The following NOTCH2 variants were observed in gnomAD, a reference collection of about 807,000 sequenced individuals.
NOTCH2 encodes neurogenic locus notch homolog protein 2.
NOTCH2 carries 29 observed loss-of-function variants against 235.8 expected under a neutral mutation model. That is an observed-to-expected ratio of 0.12 (90% CI 0.09 to 0.17). NOTCH2 has a LOEUF of 0.17. NOTCH2 is among the 10% of genes least tolerant of loss of function. The pLI is 1.00. For synonymous variants in NOTCH2, 1,086 were observed against 1,141.5 expected, an observed-to-expected ratio of 0.95 and a Z score of 0.98; for missense variants, 2,285 against 3,150.2, an observed-to-expected ratio of 0.73 and a Z score of 6.57.
At chr1:120,039,409 C>CA (rs1208782219) in intron 1 of NOTCH2, among the ~76,000 whole-genome samples, 8 of 127,060 alleles carry the variant, frequency 6.3e-5, no homozygotes, top group Non-Finnish European at 1.2e-4. Context: ...CTTTTTAAAG[C>CA]TTTTTTTTTT....
At chr1:119,959,544 A>T in intron 11 of NOTCH2, 42 bp from the exon 12 acceptor site, 2 of 1,047,126 alleles carry the variant, frequency 1.9e-6, no homozygotes, top group Middle Eastern at 4.0e-4. Flanking sequence ...ATGTTACCAC[A>T]GAAATACTAA....
At position 119,968,147 on chromosome 1, in the gene NOTCH2, T is replaced by C. The variant is rs782486742; in HGVS notation, c.1194A>G (p.Gln398=). The change falls in exon 7 of 34, where the codon CAA becomes CAG. Residue 398 remains glutamine (Q), a synonymous_variant. Coordinates refer to ENST00000256646, the MANE Select transcript of NOTCH2 (RefSeq NM_024408.4). ...ALCDTNPLNG[Q]YICTCPQGYK... ...AGCCTTGTGGGCAGGTGCAAATATA[T>C]TGCCCATTTAGGGGGTTGGTGTCAC... 12 of 1,614,116 alleles carry C rather than the reference T, an allele frequency of 7.4e-6. No homozygotes were observed. Among genetic ancestry groups the C allele is most frequent in the South Asian group, 3.3e-5 (3 of 91,086 alleles).
intron 5 of NOTCH2, among the ~76,000 whole-genome samples, chr1:119,980,398 A>C (rs1280441830): frequency 3.9e-5 from 6 of 152,168 alleles, no homozygotes; most frequent in African/African-American, 1.2e-4. Context: ...GCCAAGCTCT[A>C]TGGTCAATGA....
chr1:120,014,292 C>T (rs1447022120), intron 2 of NOTCH2, among the ~76,000 whole-genome samples: 1 of 152,084 alleles, frequency 6.6e-6, no homozygotes, highest in Non-Finnish European at 1.5e-5. Context: ...CAGCTGGGCA[C>T]AGTGGCTCAC....
chr1:119,934,164 G>A (rs1464423872), intron 22 of NOTCH2, among the ~76,000 whole-genome samples: 2 of 152,218 alleles, frequency 1.3e-5, no homozygotes, highest in African/African-American at 4.8e-5. Flanking sequence ...GATCTCCAAT[G>A]TTGGAGGTGG....
chr1:120,011,896 G>A (rs1354961420), intron 2 of NOTCH2, among the ~76,000 whole-genome samples: 1 of 149,926 alleles, frequency 6.7e-6, no homozygotes, highest in Non-Finnish European at 1.5e-5. Flanking sequence ...GGCGCCTGTA[G>A]TCCCAGCTAC....
In NOTCH2 at chr1:119,941,523, C is replaced by T; in HGVS notation, c.2981+3G>A. On this transcript the variant is annotated splice_donor_region_variant and intron_variant, in intron 18 of 33. Transcript: ENST00000256646. ...GCTGATGCCCGAGGGACTGGTTGCT[C>T]ACCTCTCAGTGCACTCATTGATGTT... The T allele has an allele frequency of 6.2e-7, 1 of 1,606,602 alleles. No individual in the cohort carries two copies. Among genetic ancestry groups the T allele is most frequent in the Non-Finnish European group, 8.5e-7 (1 of 1,173,424 alleles).
At chr1:119,938,054 T>G in intron 19 of NOTCH2, 44 bp from the exon 20 acceptor site, 1 of 1,598,144 alleles carries the variant, frequency 6.3e-7, no homozygotes. Context: ...ATTCAAATAC[T>G]AGAAATGAAG....
intron 22 of NOTCH2, among the ~76,000 whole-genome samples, chr1:119,931,787 T>TA (rs1649669943): frequency 6.6e-6 from 1 of 151,824 alleles, no homozygotes; most frequent in African/African-American, 2.4e-5. Context: ...ATGATGTTGC[T>TA]AACTACAACT....
chr1:119,932,607 ATATCTATC>A (rs61476083), intron 22 of NOTCH2, among the ~76,000 whole-genome samples: 12,822 of 148,380 alleles, frequency 0.086, 572 homozygotes, highest in South Asian at 0.12. Flanking sequence ...AAACAAACAA[ATATCTATC>A]TATCTATCTA....
In NOTCH2 at chr1:119,923,831, A is replaced by G. The variant is rs587722015; in HGVS notation, c.4665T>C (p.Pro1555=). 5 of 1,614,200 alleles carry G rather than the reference A, an allele frequency of 3.1e-6. No individual in the cohort carries two copies. In the Admixed American group the frequency reaches 6.7e-5, roughly 22 times the overall value. ...GTLVIVVLMP[P]EQLLQDARSF... is the part of the protein sequence containing the mutation. ...TGCGAGCATCCTGGAGCAGTTGTTCAGGTGGCATCAATACCACAATAACCA... is the reference window on the plus strand; with the variant it reads ...TGCGAGCATCCTGGAGCAGTTGTTCGGGTGGCATCAATACCACAATAACCA... The change falls in exon 26 of 34, where the codon CCT becomes CCC. Residue 1555 remains proline (P), a synonymous_variant. Coordinates refer to ENST00000256646, the MANE Select transcript of NOTCH2 (RefSeq NM_024408.4).
chr1:119,963,004 G>A (rs587700505), intron 11 of NOTCH2, among the ~76,000 whole-genome samples: 8 of 152,272 alleles, frequency 5.3e-5, no homozygotes, highest in South Asian at 2.1e-4. Context: ...ACAGCTCTGC[G>A]TTCTACTTTA....
At chr1:119,946,933 A>G (rs1317909372) in intron 17 of NOTCH2, among the ~76,000 whole-genome samples, 1 of 152,160 alleles carries the variant, frequency 6.6e-6, no homozygotes, top group Non-Finnish European at 1.5e-5. Context: ...AACTATCTAG[A>G]GGCTAACCTA....
At chr1:120,005,236 G>C in intron 3 of NOTCH2, 93 bp downstream of exon 3, 1 of 1,409,634 alleles carries the variant, frequency 7.1e-7, no homozygotes, top group East Asian at 2.3e-5. Flanking sequence ...AGAGCTGGGG[G>C]ACATTTAAGA....
intron 12 of NOTCH2, among the ~76,000 whole-genome samples, chr1:119,955,568 T>G (rs1229246528): frequency 6.6e-6 from 1 of 152,272 alleles, no homozygotes; most frequent in Admixed American, 6.5e-5. Context: ...CTCTTCTTAA[T>G]GCTGCCCTGA....
At chr1:120,065,349 G>C (rs1268120075) in intron 1 of NOTCH2, among the ~76,000 whole-genome samples, 4 of 152,194 alleles carry the variant, frequency 2.6e-5, no homozygotes, top group Non-Finnish European at 5.9e-5. Context: ...CATCATGCCA[G>C]GTACAGGGGT....
chr1:119,999,925 A>G (rs1298298853), intron 3 of NOTCH2, among the ~76,000 whole-genome samples: 3 of 70,126 alleles, frequency 4.3e-5, no homozygotes, highest in South Asian at 5.8e-4. Flanking sequence ...GAGAGAAAGA[A>G]AGAAAGAAAG....
intron 19 of NOTCH2, among the ~76,000 whole-genome samples, chr1:119,938,842 G>A (rs1314282324): frequency 2.0e-5 from 3 of 151,978 alleles, no homozygotes; most frequent in African/African-American, 4.8e-5. Context: ...TACCACACCC[G>A]GCTAATTTTT....
intron 1 of NOTCH2, among the ~76,000 whole-genome samples, chr1:120,045,521 G>A (rs1283592010): frequency 4.2e-5 from 6 of 142,068 alleles, no homozygotes; most frequent in Admixed American, 2.8e-4. Flanking sequence ...TCTAGCTTAT[G>A]AACCAAACTA....
Sources: allele counts gnomAD v4.1 joint callset (sites outside exome capture counted in the v4.1 genomes callset), GRCh38; gene constraint gnomAD v4.1.1; transcripts MANE v1.5; gene names NCBI Gene and HGNC (gene_info 2026-07-23, HGNC 2026-07-21).